ADGRL3: variants seen among roughly 807,000 people sequenced by gnomAD.
ADGRL3 encodes the protein calcium-independent alpha-latrotoxin receptor 3.
ADGRL3 carries 62 observed loss-of-function variants against 153.5 expected under a neutral mutation model. The observed-to-expected ratio is 0.40, with a 90% CI of 0.33 to 0.50. The LOEUF is 0.50. Among genes scored for constraint, ADGRL3 ranks in the 20% least tolerant of loss-of-function variants. The probability of loss-of-function intolerance (pLI) is 0.47; values close to 1 mark genes in which losing one functional copy is unlikely to be tolerated. For missense variants in ADGRL3, 1,641 were observed against 1,859.4 expected, an observed-to-expected ratio of 0.88 and a Z score of 2.16; for synonymous variants, 710 against 672.5, an observed-to-expected ratio of 1.06 and a Z score of -0.86.
chr4:61,814,458 A>G (rs1163185375), intron 9 of ADGRL3, among the ~76,000 whole-genome samples: 1 of 152,116 alleles, frequency 6.6e-6, no homozygotes. Context: ...CTGTCTCATA[A>G]TCTAAATACA....
chr4:61,692,247 G>A (rs1276424044), intron 6 of ADGRL3, among the ~76,000 whole-genome samples: 1 of 151,864 alleles, frequency 6.6e-6, no homozygotes, highest in East Asian at 1.9e-4. Flanking sequence ...TTAAACATAA[G>A]GAACATAGAA....
chr4:61,750,756 C>T (rs2096745809), intron 8 of ADGRL3, among the ~76,000 whole-genome samples: 1 of 149,140 alleles, frequency 6.7e-6, no homozygotes, highest in Non-Finnish European at 1.5e-5. Flanking sequence ...CGCCACTGCA[C>T]TCCAGCCTGG....
At chr4:61,420,764 G>C (rs377295429) in intron 2 of ADGRL3, 2 of 125,618 alleles carry the variant, frequency 1.6e-5, no homozygotes, top group African/African-American at 6.0e-5. Context: ...CTAAAGCACA[G>C]AGTACCTAAG....
chr4:61,590,265 T>A (rs1227849981), intron 5 of ADGRL3, among the ~76,000 whole-genome samples: 1 of 152,164 alleles, frequency 6.6e-6, no homozygotes, highest in Non-Finnish European at 1.5e-5. Flanking sequence ...ACTTTGGATA[T>A]ATAAATGAAT....
chr4:61,304,938 C>T (rs2094718267), intron 1 of ADGRL3, among the ~76,000 whole-genome samples: 1 of 152,122 alleles, frequency 6.6e-6, no homozygotes, highest in African/African-American at 2.4e-5. Flanking sequence ...AACACTGGTA[C>T]CTGCCTTAGA....
At chr4:61,641,878 G>A (rs1440231561) in intron 5 of ADGRL3, among the ~76,000 whole-genome samples, 2 of 147,930 alleles carry the variant, frequency 1.4e-5, no homozygotes, top group East Asian at 4.0e-4. Flanking sequence ...TTCCACAATG[G>A]TTGAACTAGT....
intron 2 of ADGRL3, among the ~76,000 whole-genome samples, chr4:61,423,239 T>A (rs920318901): frequency 6.6e-6 from 1 of 152,182 alleles, no homozygotes; most frequent in African/African-American, 2.4e-5. Flanking sequence ...GAGAGTCGAC[T>A]ACCCAAATGA....
intron 13 of ADGRL3, among the ~76,000 whole-genome samples, chr4:61,934,115 G>A (rs541065117): frequency 6.6e-6 from 1 of 152,260 alleles, no homozygotes; most frequent in Admixed American, 6.5e-5. Context: ...GAAGCAATGA[G>A]AATTGTAGTG....
rs567316125 is a variant in ADGRL3, at chr4:61,876,229, C to T, written c.1481-16427C>T. ...CACTTGTTATGTATCAGAAACTGTG[C>T]TGGATTGCTGGATGCTCAATATTAC... On this transcript the variant is annotated intron_variant, in intron 9 of 26. Coordinates refer to ENST00000683033, the MANE Select transcript of ADGRL3 (RefSeq NM_001387552.1). Among the ~76,000 whole-genome samples the T allele has an allele frequency of 4.6e-5, 7 of 151,578 alleles. No homozygotes were observed. In the East Asian group the frequency reaches 1.4e-3, roughly 29 times the overall value.
chr4:61,266,115 T>A (rs1323600666), intron 1 of ADGRL3, among the ~76,000 whole-genome samples: 1 of 151,872 alleles, frequency 6.6e-6, no homozygotes, highest in Non-Finnish European at 1.5e-5. Context: ...TTTTTATACT[T>A]TATAGTTATT....
At chr4:61,388,922 C>G (rs532290820) in intron 2 of ADGRL3, among the ~76,000 whole-genome samples, 3 of 152,296 alleles carry the variant, frequency 2.0e-5, no homozygotes, top group Non-Finnish European at 1.5e-5. Flanking sequence ...GCCTCTACCC[C>G]CATCTCCTGC....
intron 6 of ADGRL3, among the ~76,000 whole-genome samples, chr4:61,696,070 T>C (rs952422846): frequency 5.9e-5 from 9 of 152,212 alleles, no homozygotes; most frequent in African/African-American, 2.2e-4. Context: ...CTGCTGAAAC[T>C]TTATTTCAGC....
At chr4:61,447,521 T>G (rs2097599055) in intron 2 of ADGRL3, among the ~76,000 whole-genome samples, 2 of 152,304 alleles carry the variant, frequency 1.3e-5, no homozygotes, top group South Asian at 2.1e-4. Flanking sequence ...TGGGATTTTC[T>G]TTAGTGATTC....
chr4:61,371,545 G>A (rs1354777542), intron 1 of ADGRL3, among the ~76,000 whole-genome samples: 1 of 151,758 alleles, frequency 6.6e-6, no homozygotes, highest in African/African-American at 2.4e-5. Context: ...CTTTAAGAAT[G>A]TTGAATATTG....
intron 2 of ADGRL3, among the ~76,000 whole-genome samples, chr4:61,446,761 A>G (rs956477616): frequency 4.6e-5 from 7 of 152,234 alleles, no homozygotes; most frequent in African/African-American, 1.7e-4. Context: ...GTATTAATGA[A>G]TATACAGAAA....
chr4:61,405,000 C>T (rs1037560743), intron 2 of ADGRL3, among the ~76,000 whole-genome samples: 2 of 151,984 alleles, frequency 1.3e-5, no homozygotes, highest in Non-Finnish European at 2.9e-5. Flanking sequence ...AGTAACTATG[C>T]TTACATGGGA....
At chr4:61,410,615 C>T (rs1374645398) in intron 2 of ADGRL3, among the ~76,000 whole-genome samples, 1 of 152,176 alleles carries the variant, frequency 6.6e-6, no homozygotes, top group Non-Finnish European at 1.5e-5. Context: ...GTTTCCTCTC[C>T]AGTGGACCCA....
intron 1 of ADGRL3, among the ~76,000 whole-genome samples, chr4:61,331,459 A>T (rs2095571430): frequency 6.6e-6 from 1 of 152,128 alleles, no homozygotes; most frequent in Non-Finnish European, 1.5e-5. Context: ...AAAGTTAAAA[A>T]TTTTTACACA....
At chr4:61,686,751 C>T (rs1256444080) in intron 6 of ADGRL3, among the ~76,000 whole-genome samples, 2 of 152,002 alleles carry the variant, frequency 1.3e-5, no homozygotes, top group Non-Finnish European at 2.9e-5. Context: ...TAAGTCCTTC[C>T]CATCTAATTG....
Sources: gnomAD v4.1 joint callset for allele counts (sites outside exome capture counted in the v4.1 genomes callset) on GRCh38, gnomAD v4.1.1 for gene constraint, MANE v1.5 for transcripts, NCBI Gene and HGNC (gene_info 2026-07-23, HGNC 2026-07-21) for gene names.